NEDD4: variants seen among roughly 807,000 people sequenced by gnomAD.
NEDD4 encodes the protein NEDD4 E3 ubiquitin protein ligase, also known as E3 ubiquitin-protein ligase NEDD4.
A neutral mutation model predicts 144.9 loss-of-function variants in NEDD4; 99 were observed. The observed-to-expected ratio is 0.68, with a 90% CI of 0.58 to 0.81. The LOEUF (loss-of-function observed/expected upper bound fraction) is 0.81. Ranked by LOEUF, NEDD4 falls within the 30% of genes least tolerant of loss-of-function variation. The pLI is 0.00. For missense variants in NEDD4, 985 were observed against 1,065.9 expected, an observed-to-expected ratio of 0.92 and a Z score of 1.06; for synonymous variants, 318 against 350.6, an observed-to-expected ratio of 0.91 and a Z score of 1.04.
rs374656229 is a variant in NEDD4 at position 55,944,178 on chromosome 15, T to C, written c.237+7198A>G. Among the ~76,000 whole-genome samples the C allele has an allele frequency of 2.6e-5, 4 of 152,176 alleles. No homozygotes were observed. The East Asian group carries it at 7.7e-4, about 29-fold the overall frequency. On this transcript the variant is annotated intron_variant, in intron 4 of 28. Transcript: ENST00000435532. ...CCACAGAGGGCAAGCCGAAGCAGGATGGGGCATTGCCTCACCTCGGAAGTG... is the reference window on the plus strand; with the variant it reads ...CCACAGAGGGCAAGCCGAAGCAGGACGGGGCATTGCCTCACCTCGGAAGTG...
At chr15:55,905,483 C>G (rs879458693) in intron 5 of NEDD4, among the ~76,000 whole-genome samples, 1 of 152,038 alleles carries the variant, frequency 6.6e-6, no homozygotes, top group African/African-American at 2.4e-5. Flanking sequence ...GGGAAATGTC[C>G]AGTATTAAAG....
rs3088077 is a variant in NEDD4, at chr15:55,827,379, C to T, written c.*2518G>A. On this transcript the variant is annotated 3_prime_UTR_variant, in exon 29 of 29. Transcript: ENST00000435532. ...CTTGATAGATGTTTCTTCCAGACCA[C>T]GAGCCCCTAGTGGGAGATGAAGGGG... 0.2 allele frequency: 30,931 copies of T among 152,104 alleles called. 3,387 individuals carry two copies. The highest frequency in any genetic ancestry group is 0.33 in the East Asian group (1,726 of 5,160). The allele number at this position is 152,104 out of a possible 1,614,324, so 9.4% of individuals were successfully genotyped here. A position where few individuals can be genotyped will look rare whatever the true frequency, so the allele number is the denominator to read the frequency against.
intron 2 of NEDD4, among the ~76,000 whole-genome samples, chr15:55,961,760 C>A (rs774348989): frequency 6.6e-6 from 1 of 152,064 alleles, no homozygotes; most frequent in Non-Finnish European, 1.5e-5. Context: ...TGAGCCACCG[C>A]GCCTGGCCAG....
intron 1 of NEDD4, among the ~76,000 whole-genome samples, chr15:55,975,777 AC>A (rs2037688858): frequency 6.6e-6 from 1 of 152,238 alleles, no homozygotes; most frequent in Non-Finnish European, 1.5e-5. Context: ...AACAGAAAAA[AC>A]AATCCTAAAA....
chr15:55,865,299 T>A (rs773979838), intron 8 of NEDD4, among the ~76,000 whole-genome samples: 14 of 151,784 alleles, frequency 9.2e-5, no homozygotes, highest in South Asian at 2.1e-4. Flanking sequence ...TGGGCACCCA[T>A]TTGGAAAAAA....
chr15:55,880,197 C>T (rs1209173371), intron 5 of NEDD4, among the ~76,000 whole-genome samples: 1 of 152,038 alleles, frequency 6.6e-6, no homozygotes, highest in Admixed American at 6.5e-5. Flanking sequence ...GAGGCTGAGG[C>T]AGGAGAATTG....
chr15:55,962,292 A>G (rs777333374), intron 2 of NEDD4, among the ~76,000 whole-genome samples: 68 of 152,306 alleles, frequency 4.5e-4, no homozygotes, highest in Non-Finnish European at 8.5e-4. Context: ...CACGTAGGAC[A>G]GTATATAGTT....
chr15:55,841,805 T>G (rs1256928576), intron 19 of NEDD4, 129 bp downstream of exon 19: 8 of 708,374 alleles, frequency 1.1e-5, no homozygotes, highest in Non-Finnish European at 2.0e-5. Context: ...TATCCTGACC[T>G]TGTGATCCGC....
intron 2 of NEDD4, among the ~76,000 whole-genome samples, chr15:55,961,865 T>C (rs767779001): frequency 3.3e-5 from 5 of 152,222 alleles, no homozygotes; most frequent in Non-Finnish European, 5.9e-5. Flanking sequence ...AGAATGTACA[T>C]TTGAAAAGAA....
At position 55,848,371 on chromosome 15, in the gene NEDD4, C is replaced by G. The variant is rs747412275; in HGVS notation, c.1542+1G>C. 3.7e-6 allele frequency: 6 copies of G among 1,614,014 alleles called. No individual in the cohort carries two copies. Among genetic ancestry groups the G allele is most frequent in the South Asian group, 2.2e-5 (2 of 91,080 alleles). On this transcript the variant is annotated splice_donor_variant, in intron 17 of 28. Coordinates refer to ENST00000435532, the MANE Select transcript of NEDD4 (RefSeq NM_006154.4). LOFTEE classifies it high-confidence loss of function. ...CAGAGCACACTGGCAGAGAGACTTA[C>G]TGGTCCAGTTATTGCTACATTCTCC... is the stretch of plus-strand genomic sequence containing the variant.
chr15:55,973,526 A>G (rs1382892610), intron 1 of NEDD4, among the ~76,000 whole-genome samples: 1 of 152,194 alleles, frequency 6.6e-6, no homozygotes, highest in Non-Finnish European at 1.5e-5. Flanking sequence ...TCAACAGAGT[A>G]GCCCTGTCTT....
intron 5 of NEDD4, among the ~76,000 whole-genome samples, chr15:55,881,838 G>A (rs533730224): frequency 2.0e-5 from 3 of 152,022 alleles, no homozygotes; most frequent in Non-Finnish European, 4.4e-5. Flanking sequence ...GACAATTCGA[G>A]CCAGATAATT....
chr15:55,924,278 G>A lies in NEDD4; in HGVS notation c.291+368C>T, dbSNP rs551109745. On this transcript the variant is annotated intron_variant, in intron 5 of 28. Transcript: ENST00000435532. The stretch of plus-strand genomic sequence containing the variant: ...CCCTAAGAAAGGCCACTGTAGTGAG[G>A]AGGCGCAACTGAAGGATACCCTGGG... 3 of 193,176 alleles carry A rather than the reference G, an allele frequency of 1.6e-5. No homozygotes were observed. The East Asian group carries it at 3.6e-4, about 23-fold the overall frequency. The allele number at this position is 193,176 out of a possible 1,614,324, so 12.0% of individuals were successfully genotyped here. A position where few individuals can be genotyped will look rare whatever the true frequency, so the allele number is the denominator to read the frequency against.
chr15:55,920,678 A>T (rs1413725500), intron 5 of NEDD4, among the ~76,000 whole-genome samples: 1 of 152,216 alleles, frequency 6.6e-6, no homozygotes, highest in Admixed American at 6.5e-5. Flanking sequence ...ATTTTCCAAG[A>T]GAATTTGCTA....
At chr15:55,989,248 A>G (rs62045231) in intron 1 of NEDD4, among the ~76,000 whole-genome samples, 15,668 of 152,304 alleles carry the variant, frequency 0.1, 889 homozygotes, top group Middle Eastern at 0.16. Context: ...AAGTAAATAC[A>G]TAATTTAAAA....
At chr15:55,989,181 A>C (rs1357829598) in intron 1 of NEDD4, among the ~76,000 whole-genome samples, 1 of 152,188 alleles carries the variant, frequency 6.6e-6, no homozygotes, top group African/African-American at 2.4e-5. Flanking sequence ...GGGTGCAGTG[A>C]GCTGAGATCA....
chr15:55,960,021 C>G (rs1356034201), intron 2 of NEDD4, among the ~76,000 whole-genome samples: 1 of 152,158 alleles, frequency 6.6e-6, no homozygotes, highest in East Asian at 1.9e-4. Context: ...CTCTCAGCTC[C>G]TCAATGTGGT....
intron 4 of NEDD4, among the ~76,000 whole-genome samples, chr15:55,933,009 T>A (rs2036812886): frequency 1.3e-5 from 2 of 152,166 alleles, no homozygotes; most frequent in Non-Finnish European, 1.5e-5. Context: ...AGAATGGCGA[T>A]CATTAAAAAG....
intron 1 of NEDD4, among the ~76,000 whole-genome samples, chr15:55,967,926 T>C (rs1191327997): frequency 2.6e-5 from 4 of 152,056 alleles, no homozygotes; most frequent in African/African-American, 9.7e-5. Flanking sequence ...GGCAGGAGGA[T>C]TGCCTGAATT....
Sources: allele counts gnomAD v4.1 joint callset (sites outside exome capture counted in the v4.1 genomes callset), GRCh38; gene constraint gnomAD v4.1.1; transcripts MANE v1.5; gene names NCBI Gene and HGNC (gene_info 2026-07-23, HGNC 2026-07-21).